The following CACUL1 variants were observed in gnomAD, a reference collection of about 807,000 sequenced individuals.
CACUL1 encodes CDK2-associated and cullin domain-containing protein 1.
Under a neutral mutation model 45.2 loss-of-function variants are expected in CACUL1, and 13 were observed. That is an observed-to-expected ratio of 0.29 (90% CI 0.19 to 0.46). The LOEUF (loss-of-function observed/expected upper bound fraction) is 0.46. CACUL1 is among the 20% of genes least tolerant of loss of function. The probability of loss-of-function intolerance (pLI) is 1.00; values close to 1 mark genes in which losing one functional copy is unlikely to be tolerated. For synonymous variants in CACUL1, 197 were observed against 174.2 expected, an observed-to-expected ratio of 1.13 and a Z score of -1.03; for missense variants, 421 against 471.4, an observed-to-expected ratio of 0.89 and a Z score of 0.99.
At chr10:118,738,892 T>TAAAAAAAAAAAAAAAA (rs150393133) in intron 1 of CACUL1, among the ~76,000 whole-genome samples, 33 of 62,258 alleles carry the variant, frequency 5.3e-4, no homozygotes, top group African/African-American at 2.0e-3. Context: ...CAAGTGCTCT[T>TAAAAAAAAAAAAAAAA]AAAAAAAAAA....
chr10:118,748,683 T>C (rs953087459), intron 1 of CACUL1, among the ~76,000 whole-genome samples: 4 of 152,176 alleles, frequency 2.6e-5, no homozygotes, highest in Non-Finnish European at 2.9e-5. Context: ...AATCATTTGG[T>C]ATAACACAAA....
chr10:118,729,445 C>T, intron 2 of CACUL1, 48 bp from the exon 3 acceptor site: 2 of 1,336,672 alleles, frequency 1.5e-6, no homozygotes, highest in South Asian at 1.2e-5. Flanking sequence ...TCATAAAGCA[C>T]TTAACTCAGT....
chr10:118,691,079 G>A (rs1845260818), intron 7 of CACUL1, among the ~76,000 whole-genome samples, 186 bp downstream of exon 7: 1 of 152,064 alleles, frequency 6.6e-6, no homozygotes, highest in Non-Finnish European at 1.5e-5. Flanking sequence ...ATGAAGAGCA[G>A]CTTCCACAAA....
chr10:118,753,974 C>T (rs1475452172), intron 1 of CACUL1, among the ~76,000 whole-genome samples: 1 of 152,230 alleles, frequency 6.6e-6, no homozygotes, highest in Non-Finnish European at 1.5e-5. Context: ...GATTTCTTTT[C>T]TCTCTCTGGC....
At chr10:118,730,989 C>G (rs1430199611) in intron 1 of CACUL1, among the ~76,000 whole-genome samples, 19 of 152,326 alleles carry the variant, frequency 1.2e-4, no homozygotes, top group African/African-American at 4.6e-4. Context: ...CTGCTACTAT[C>G]TTAAACTGGA....
intron 3 of CACUL1, among the ~76,000 whole-genome samples, chr10:118,720,718 A>T (rs1478215738): frequency 6.6e-6 from 1 of 152,142 alleles, no homozygotes; most frequent in East Asian, 1.9e-4. Flanking sequence ...CTGGATCTCT[A>T]TTTTTGGGCC....
chr10:118,734,810 T>C (rs149931080), intron 1 of CACUL1, among the ~76,000 whole-genome samples: 3 of 152,138 alleles, frequency 2.0e-5, no homozygotes, highest in Non-Finnish European at 2.9e-5. Flanking sequence ...ACTGAGAAAG[T>C]AGTTTAACTG....
intron 1 of CACUL1, among the ~76,000 whole-genome samples, chr10:118,734,541 C>T (rs974833075): frequency 4.6e-5 from 7 of 152,100 alleles, no homozygotes; most frequent in African/African-American, 1.7e-4. Context: ...ACTTTTTATG[C>T]TATTTAAAGA....
chr10:118,708,013 G>A (rs571654821), intron 3 of CACUL1, among the ~76,000 whole-genome samples: 3 of 152,070 alleles, frequency 2.0e-5, no homozygotes, highest in Admixed American at 6.5e-5. Flanking sequence ...CCAGGTGGGG[G>A]TGGCAGGTGC....
chr10:118,692,156 C>A (rs1845278076), intron 6 of CACUL1, among the ~76,000 whole-genome samples: 1 of 151,580 alleles, frequency 6.6e-6, no homozygotes, highest in South Asian at 2.1e-4. Flanking sequence ...AGAGGCAGCA[C>A]AAAAGGTAGG....
chr10:118,704,114 C>T (rs559515317), intron 4 of CACUL1, among the ~76,000 whole-genome samples: 22 of 151,292 alleles, frequency 1.5e-4, no homozygotes, highest in African/African-American at 4.6e-4. Context: ...GCTAGGTGGT[C>T]GTGCTTAGGC....
At chr10:118,711,731 T>C (rs1221925913) in intron 3 of CACUL1, among the ~76,000 whole-genome samples, 3 of 152,222 alleles carry the variant, frequency 2.0e-5, no homozygotes, top group Non-Finnish European at 4.4e-5. Flanking sequence ...TCAAAGACTA[T>C]GCGTATTAAA....
Position 118,754,698 on chromosome 10 carries a change from T to C in CACUL1, c.65A>G (p.His22Arg), listed in dbSNP as rs1172762204. Residue 22 changes from histidine (H) to arginine (R), a missense_variant, in exon 1 of 9, where the codon CAC becomes CGC. By Grantham distance (29) the His-to-Arg change is conservative. This residue lies in a region of CACUL1 where 213 missense variants were observed against 173.1 expected (regional missense o/e 1.23). Transcript: ENST00000369151. ...SYEAMMDDQN[H>R]NNWEAAVDGF... ...GTCCACCGCAGCCTCCCAGTTGTTG[T>C]GGTTCTGGTCGTCCATCATCGCCTC... 1.2e-6 allele frequency: 2 copies of C among 1,607,666 alleles called. No individual in the cohort carries two copies. The highest frequency in any genetic ancestry group is 1.7e-6 in the Non-Finnish European group (2 of 1,177,636).
intron 3 of CACUL1, among the ~76,000 whole-genome samples, chr10:118,728,940 C>T (rs17097998): frequency 0.018 from 2,692 of 152,156 alleles, 37 homozygotes; most frequent in Non-Finnish European, 0.028. Context: ...GATGATAATA[C>T]GAGTTCCAAA....
chr10:118,728,081 T>C (rs1328150951), intron 3 of CACUL1, among the ~76,000 whole-genome samples: 5 of 150,346 alleles, frequency 3.3e-5, no homozygotes, highest in Admixed American at 6.7e-5. Context: ...TATCTGACTA[T>C]GACAAAACAC....
In CACUL1 at chr10:118,678,252, A is replaced by G. The variant is rs756264403; in HGVS notation, c.*7876T>C. 2.0e-5 allele frequency: 3 copies of G among 152,080 alleles called. No individual in the cohort carries two copies. The highest frequency in any genetic ancestry group is 2.9e-5 in the Non-Finnish European group (2 of 68,024). 9.4% of individuals were successfully genotyped at this position (152,080 alleles called of 1,614,324 possible). ...TATTCCAGATTTGGCTTCTCTTTTC[A>G]CTCTACAGCATGTTTGGTAATAAGT... On this transcript the variant is annotated 3_prime_UTR_variant, in exon 9 of 9. Transcript: ENST00000369151.
At chr10:118,686,280 AGGCTT>A in intron 8 of CACUL1, 112 bp from the exon 9 acceptor site, 5 of 949,988 alleles carry the variant, frequency 5.3e-6, no homozygotes, top group Admixed American at 2.0e-5. Flanking sequence ...TCCCCAAAAA[AGGCTT>A]AAAAAAAATC....
rs1190467445 is a variant in CACUL1, at chr10:118,683,237, T to C, written c.*2891A>G. On this transcript the variant is annotated 3_prime_UTR_variant, in exon 9 of 9. Coordinates refer to ENST00000369151, the MANE Select transcript of CACUL1 (RefSeq NM_153810.5). Reference sequence around the variant, plus strand: ...CCAGTTTCAGGCTGCACATACATACTAGACAGTTGAAGCAAATCAGCCATT... The same window carrying C: ...CCAGTTTCAGGCTGCACATACATACCAGACAGTTGAAGCAAATCAGCCATT... The C allele has an allele frequency of 6.6e-6, 1 of 152,096 alleles. No individual in the cohort carries two copies. The highest frequency in any genetic ancestry group is 1.5e-5 in the Non-Finnish European group (1 of 68,020). The allele number at this position is 152,096 out of a possible 1,614,324, so 9.4% of individuals were successfully genotyped here. A position where few individuals can be genotyped will look rare whatever the true frequency, so the allele number is the denominator to read the frequency against.
intron 1 of CACUL1, among the ~76,000 whole-genome samples, chr10:118,731,614 G>C (rs1296782027): frequency 6.6e-6 from 1 of 152,162 alleles, no homozygotes; most frequent in East Asian, 1.9e-4. Context: ...CATATTCTAA[G>C]AGTCCCATTT....
Sources: allele counts gnomAD v4.1 joint callset (sites outside exome capture counted in the v4.1 genomes callset), GRCh38; gene constraint gnomAD v4.1.1; regional missense constraint gnomAD v4.1.1; transcripts MANE v1.5; gene names NCBI Gene and HGNC (gene_info 2026-07-23, HGNC 2026-07-21).